Variants in CRISPLD1 observed in about 807,000 individuals in gnomAD.
CRISPLD1 encodes the protein cysteine-rich secretory protein LCCL domain-containing 1.
A neutral mutation model predicts 77.5 loss-of-function variants in CRISPLD1; 60 were observed. The observed-to-expected ratio is 0.77, with a 90% CI of 0.63 to 0.96. The LOEUF (loss-of-function observed/expected upper bound fraction) is 0.96. Among genes scored for constraint, CRISPLD1 ranks in the 40% least tolerant of loss-of-function variants. The probability of loss-of-function intolerance (pLI) is 0.00; values close to 1 mark genes in which losing one functional copy is unlikely to be tolerated. For synonymous variants in CRISPLD1, 195 were observed against 200.1 expected, an observed-to-expected ratio of 0.97 and a Z score of 0.22; for missense variants, 623 against 615.8, an observed-to-expected ratio of 1.01 and a Z score of -0.12.
intron 2 of CRISPLD1, among the ~76,000 whole-genome samples, chr8:74,996,112 A>T (rs1397861560): frequency 6.6e-6 from 1 of 151,248 alleles, no homozygotes; most frequent in Non-Finnish European, 1.5e-5. Flanking sequence ...ATGTTTATAC[A>T]TATATGCATA....
chr8:75,024,573 C>G (rs192926613), intron 12 of CRISPLD1, among the ~76,000 whole-genome samples: 1 of 152,168 alleles, frequency 6.6e-6, no homozygotes, highest in Non-Finnish European at 1.5e-5. Context: ...GATCCACCCA[C>G]CTCGGCCTCC....
intron 9 of CRISPLD1, 64 bp downstream of exon 9, chr8:75,017,177 G>T (rs2128786337): frequency 2.0e-6 from 3 of 1,535,974 alleles, no homozygotes; most frequent in Non-Finnish European, 2.7e-6. Context: ...GATTTTTATT[G>T]TGCAAAATAA....
At position 75,014,793 on chromosome 8, in the gene CRISPLD1, A is replaced by G; in HGVS notation, c.627-19A>G. 1.3e-6 allele frequency: 2 copies of G among 1,552,084 alleles called. No individual in the cohort carries two copies. Among genetic ancestry groups the G allele is most frequent in the Non-Finnish European group, 1.8e-6 (2 of 1,130,090 alleles). ...ATGCCATTAGACTACTTTTTAATAG[A>G]GCGTATCATCTCTTAAAGGGGAAAC... On this transcript the variant is annotated intron_variant, in intron 5 of 14. Transcript: ENST00000262207.
rs1435529845 is a variant in CRISPLD1 at position 74,998,148 on chromosome 8, G to A, written c.258+11903G>A. On this transcript the variant is annotated intron_variant, in intron 2 of 14. Transcript: ENST00000262207. ...GCTGAGGTTGTTCGTATAGAAGCAG[G>A]TAGTTTGGAGCGTTTAATGAAGAAA... Among the ~76,000 whole-genome samples the A allele has an allele frequency of 2.0e-5, 3 of 152,146 alleles. No homozygotes were observed. The South Asian group carries it at 6.2e-4, about 32-fold the overall frequency.
At chr8:75,014,934 T>C (rs368007879) in intron 6 of CRISPLD1, 22 bp downstream of exon 6, 1 of 1,467,384 alleles carries the variant, frequency 6.8e-7, no homozygotes, top group Non-Finnish European at 9.1e-7. Flanking sequence ...TGTGTTGTGG[T>C]ATTCATGTTG....
At chr8:74,989,271 G>A (rs1812538402) in intron 2 of CRISPLD1, among the ~76,000 whole-genome samples, 2 of 152,206 alleles carry the variant, frequency 1.3e-5, no homozygotes, top group African/African-American at 4.8e-5. Flanking sequence ...ATAGAAACCA[G>A]TAATCCTAAG....
intron 2 of CRISPLD1, among the ~76,000 whole-genome samples, chr8:74,987,920 T>G (rs1812519843): frequency 6.6e-6 from 1 of 152,204 alleles, no homozygotes; most frequent in South Asian, 2.1e-4. Context: ...AAAAAAATAA[T>G]AATAATAACT....
chr8:75,016,825 T>A (rs1473732785), intron 7 of CRISPLD1, 56 bp from the exon 8 acceptor site: 15 of 1,526,134 alleles, frequency 9.8e-6, no homozygotes, highest in Non-Finnish European at 1.2e-5. Flanking sequence ...CTATATATAA[T>A]GAACTACAAC....
intron 7 of CRISPLD1, 86 bp from the exon 8 acceptor site, chr8:75,016,795 G>GAAA: frequency 1.3e-6 from 2 of 1,546,300 alleles, no homozygotes. Flanking sequence ...TTTTAGAATG[G>GAAA]AAAAAATTTT....
rs2128780327 is a variant in CRISPLD1 at position 74,987,302 on chromosome 8, T to C, written c.258+1057T>C. ...CAAGAGACTAATCAGGGATTAAGAA[T>C]TGAGACTCAGGAGTGAGGCTGTCTG... On this transcript the variant is annotated intron_variant, in intron 2 of 14. Transcript: ENST00000262207. Among the ~76,000 whole-genome samples the C allele has an allele frequency of 2.0e-5, 3 of 152,292 alleles. No homozygotes were observed. In the South Asian group the frequency reaches 6.2e-4, roughly 32 times the overall value.
intron 2 of CRISPLD1, among the ~76,000 whole-genome samples, chr8:75,005,130 T>G (rs1812806730): frequency 6.6e-6 from 1 of 152,118 alleles, no homozygotes; most frequent in Non-Finnish European, 1.5e-5. Context: ...AGCTTTTGCT[T>G]CTTAGGTAAT....
intron 2 of CRISPLD1, among the ~76,000 whole-genome samples, chr8:75,006,669 CT>C (rs1055423222): frequency 6.6e-6 from 1 of 151,870 alleles, no homozygotes; most frequent in Non-Finnish European, 1.5e-5. Flanking sequence ...TGCTGGTCAA[CT>C]TTTTATTAAA....
At chr8:75,029,340 C>T (rs184663912) in intron 13 of CRISPLD1, 47 bp from the exon 14 acceptor site, 574 of 1,585,748 alleles carry the variant, frequency 3.6e-4, no homozygotes, top group Non-Finnish European at 4.2e-4. Flanking sequence ...CTGGACAAGT[C>T]CAGCAGGAAT....
chr8:75,031,178 C>T (rs1813336669), intron 14 of CRISPLD1, among the ~76,000 whole-genome samples: 2 of 151,988 alleles, frequency 1.3e-5, no homozygotes, highest in Non-Finnish European at 2.9e-5. Flanking sequence ...TACATGCATG[C>T]ACATGTGTGT....
intron 5 of CRISPLD1, 66 bp from the exon 6 acceptor site, chr8:75,014,746 G>A (rs1482828059): frequency 1.8e-5 from 18 of 1,014,026 alleles, no homozygotes; most frequent in Non-Finnish European, 2.5e-5. Context: ...ATATAGTGAT[G>A]TTTCACAATG....
intron 9 of CRISPLD1, 78 bp downstream of exon 9, chr8:75,017,191 CTTACA>C: frequency 6.6e-7 from 1 of 1,504,074 alleles, no homozygotes; most frequent in Non-Finnish European, 9.2e-7. Flanking sequence ...AAAATAACAC[CTTACA>C]TAAGTATAGA....
intron 2 of CRISPLD1, among the ~76,000 whole-genome samples, chr8:75,011,174 T>C (rs2128784762): frequency 6.6e-6 from 1 of 151,692 alleles, no homozygotes. Flanking sequence ...GTGCACAATG[T>C]GCAGGTTAGT....
chr8:74,989,882 A>C (rs946083307), intron 2 of CRISPLD1, among the ~76,000 whole-genome samples: 2 of 152,152 alleles, frequency 1.3e-5, no homozygotes, highest in Non-Finnish European at 2.9e-5. Flanking sequence ...CAGGTCTTAC[A>C]TGTAAGTCTT....
intron 2 of CRISPLD1, among the ~76,000 whole-genome samples, chr8:75,012,008 A>G (rs971563763): frequency 2.0e-5 from 3 of 149,726 alleles, no homozygotes; most frequent in Non-Finnish European, 3.0e-5. Context: ...GAAGGAAGAA[A>G]GAGTAGGGAC....
Sources: allele counts gnomAD v4.1 joint callset (sites outside exome capture counted in the v4.1 genomes callset), GRCh38; gene constraint gnomAD v4.1.1; transcripts MANE v1.5; gene names NCBI Gene and HGNC (gene_info 2026-07-23, HGNC 2026-07-21).